Variants in TMEM87A observed in about 807,000 individuals in gnomAD.
TMEM87A encodes the protein transmembrane protein 87A, also known as Golgi-pH regulating cation channel.
In TMEM87A, 50 loss-of-function variants were observed where a neutral mutation model predicts 90.0. The ratio of observed to expected loss-of-function variants is 0.56; its 90% CI spans 0.44 to 0.70. The LOEUF is 0.70. Ranked by LOEUF, TMEM87A falls within the 30% of genes least tolerant of loss-of-function variation. The pLI, the probability that TMEM87A is intolerant of heterozygous loss-of-function variation, is 0.00. For synonymous variants in TMEM87A, 226 were observed against 226.7 expected (o/e 1.00, Z 0.03); for missense variants, 577 against 660.5 (o/e 0.87, Z 1.39).
Position 42,264,174 on chromosome 15 carries a change from T to A in TMEM87A, c.321A>T (p.Lys107Asn). The A allele has an allele frequency of 6.2e-7, 1 of 1,613,724 alleles. No individual in the cohort carries two copies. Among genetic ancestry groups the A allele is most frequent in the Non-Finnish European group, 8.5e-7 (1 of 1,179,812 alleles). ...KAEEVELYLE[K>N]LKEKRGLSGK... ...CAGACAAGCCTCTTTTTTCCTTAAG[T>A]TTTTCCAAATACAACTCTACTTCTT... Residue 107 changes from lysine (K) to asparagine (N), a missense_variant, in exon 4 of 20, where the codon AAA becomes AAT. Coordinates refer to ENST00000389834, the MANE Select transcript of TMEM87A (RefSeq NM_015497.5).
Position 42,218,381 on chromosome 15 carries a change from G to A in TMEM87A, c.1540-3C>T, listed in dbSNP as rs933767597. On this transcript the variant is annotated splice_region_variant and splice_polypyrimidine_tract_variant and intron_variant, in intron 17 of 19. Transcript: ENST00000389834. ...ACCCACTTCAAATCATCTTCCTGCT[G>A]GGAACATACAAATACCACTCATTAC... The A allele has an allele frequency of 3.3e-5, 53 of 1,613,326 alleles. No individual in the cohort carries two copies. The highest frequency in any genetic ancestry group is 4.5e-5 in the Non-Finnish European group (53 of 1,179,654).
intron 6 of TMEM87A, among the ~76,000 whole-genome samples, chr15:42,256,966 C>G (rs901954504): frequency 3.9e-5 from 6 of 152,210 alleles, no homozygotes; most frequent in African/African-American, 1.2e-4. Flanking sequence ...GATCTGCCTG[C>G]TGTGGCCTCC....
chr15:42,216,443 G>A (rs1476917360), intron 19 of TMEM87A, among the ~76,000 whole-genome samples: 1 of 152,170 alleles, frequency 6.6e-6, no homozygotes, highest in Non-Finnish European at 1.5e-5. Context: ...TTTCACAGAG[G>A]AAAATATGAA....
rs999611910 is a variant in TMEM87A, at chr15:42,265,320, C to T, written c.292-1117G>A. Among the ~76,000 whole-genome samples the T allele has an allele frequency of 2.0e-5, 3 of 152,152 alleles. 1 individual carries two copies. In the South Asian group the frequency reaches 6.2e-4, roughly 32 times the overall value. Reference sequence around the variant, plus strand: ...ACAGTGGTTGAACTAATTTACACTCCCACTAACAATGTATAAGCATTCCCT... The same window carrying T: ...ACAGTGGTTGAACTAATTTACACTCTCACTAACAATGTATAAGCATTCCCT... On this transcript the variant is annotated intron_variant, in intron 3 of 19. Coordinates refer to ENST00000389834, the MANE Select transcript of TMEM87A (RefSeq NM_015497.5).
chr15:42,246,834 G>A (rs1022399161), intron 6 of TMEM87A, among the ~76,000 whole-genome samples: 3 of 152,178 alleles, frequency 2.0e-5, no homozygotes, highest in African/African-American at 7.2e-5. Flanking sequence ...GGGTCAACTG[G>A]TATTTCTAGT....
At chr15:42,242,821 G>A (rs1047355469) in intron 7 of TMEM87A, among the ~76,000 whole-genome samples, 2 of 151,966 alleles carry the variant, frequency 1.3e-5, no homozygotes, top group African/African-American at 4.8e-5. Context: ...GGAATAGAAA[G>A]GAACATCTTT....
intron 7 of TMEM87A, among the ~76,000 whole-genome samples, chr15:42,243,771 C>T (rs1172876756): frequency 2.6e-5 from 4 of 152,002 alleles, no homozygotes; most frequent in African/African-American, 4.8e-5. Flanking sequence ...CTGCCTGCCA[C>T]GGCCTCCCAA....
At chr15:42,227,413 ACTT>A (rs1267551912) in intron 14 of TMEM87A, among the ~76,000 whole-genome samples, 1 of 152,250 alleles carries the variant, frequency 6.6e-6, no homozygotes, top group African/African-American at 2.4e-5. Context: ...AGTACTCTGG[ACTT>A]CTTAAGATTT....
chr15:42,245,710 T>C (rs931817853), intron 6 of TMEM87A, among the ~76,000 whole-genome samples: 26 of 151,946 alleles, frequency 1.7e-4, no homozygotes, highest in African/African-American at 6.3e-4. Context: ...TTTTGTATTT[T>C]TGGTAGAGAC....
chr15:42,241,814 T>G (rs548672156), intron 7 of TMEM87A, among the ~76,000 whole-genome samples: 2 of 151,982 alleles, frequency 1.3e-5, no homozygotes, highest in South Asian at 4.2e-4. Flanking sequence ...ATGGTGAAAC[T>G]AAAAATACAA....
At chr15:42,229,304 G>A (rs536950475) in intron 12 of TMEM87A, among the ~76,000 whole-genome samples, 3 of 151,862 alleles carry the variant, frequency 2.0e-5, no homozygotes, top group South Asian at 2.1e-4. Context: ...ATACCTGGCC[G>A]GAAGTCATCA....
chr15:42,219,255 C>A (rs2050431690), intron 17 of TMEM87A, among the ~76,000 whole-genome samples: 2 of 152,116 alleles, frequency 1.3e-5, no homozygotes, highest in Admixed American at 1.3e-4. Context: ...TTAAACTGGG[C>A]TATTCGTTTT....
In TMEM87A at chr15:42,270,242, C is replaced by T. The variant is rs201214576; in HGVS notation, c.205+1821G>A. ...AAAAATTAGCCGGCGTGGTGGCACG[C>T]GCCTATAGTCCCAGCTACTCGGGAG... On this transcript the variant is annotated intron_variant, in intron 2 of 19. Coordinates refer to ENST00000389834, the MANE Select transcript of TMEM87A (RefSeq NM_015497.5). 1.1e-4 allele frequency among the ~76,000 whole-genome samples: 16 copies of T among 151,810 alleles called. No homozygotes were observed. The East Asian group carries it at 2.3e-3, about 22-fold the overall frequency.
chr15:42,226,198 C>T (rs2050588384), intron 15 of TMEM87A, among the ~76,000 whole-genome samples: 1 of 151,998 alleles, frequency 6.6e-6, no homozygotes, highest in African/African-American at 2.4e-5. Flanking sequence ...CGGGGTTCCG[C>T]CACGGTGGTC....
chr15:42,225,867 G>C (rs2050582689), intron 15 of TMEM87A, among the ~76,000 whole-genome samples: 1 of 151,866 alleles, frequency 6.6e-6, no homozygotes, highest in Admixed American at 6.6e-5. Flanking sequence ...TATCTCCCTT[G>C]TTTACTATAC....
intron 7 of TMEM87A, among the ~76,000 whole-genome samples, chr15:42,243,581 G>A (rs1241321689): frequency 6.7e-6 from 1 of 148,646 alleles, no homozygotes; most frequent in Admixed American, 6.7e-5. Flanking sequence ...GTGGAATGGC[G>A]TGATCTCGGC....
chr15:42,232,047 A>G, intron 11 of TMEM87A: 1 of 323,794 alleles, frequency 3.1e-6, no homozygotes, highest in Non-Finnish European at 4.8e-6. Flanking sequence ...TTGATTTAAG[A>G]GGCAATTTAT....
chr15:42,230,208 G>A (rs554761467), intron 12 of TMEM87A, among the ~76,000 whole-genome samples: 2 of 152,266 alleles, frequency 1.3e-5, no homozygotes, highest in South Asian at 4.1e-4. Flanking sequence ...CTGTTACCTA[G>A]TCATTGGGTT....
intron 7 of TMEM87A, 37 bp from the exon 8 acceptor site, chr15:42,239,768 T>C (rs1418938578): frequency 1.3e-6 from 2 of 1,568,246 alleles, no homozygotes; most frequent in East Asian, 4.5e-5. Context: ...ATTTACAGGA[T>C]GCAGAAATTA....
Sources: allele counts gnomAD v4.1 joint callset (sites outside exome capture counted in the v4.1 genomes callset), GRCh38; gene constraint gnomAD v4.1.1; transcripts MANE v1.5; gene names NCBI Gene and HGNC (gene_info 2026-07-23, HGNC 2026-07-21).